RABGEF1: variants seen among roughly 807,000 people sequenced by gnomAD.
The protein encoded by RABGEF1 is rab5 GDP/GTP exchange factor.
A neutral mutation model predicts 57.3 loss-of-function variants in RABGEF1; 26 were observed. The ratio of observed to expected loss-of-function variants is 0.45; its 90% CI spans 0.33 to 0.63. The LOEUF is 0.63. Ranked by LOEUF, RABGEF1 falls within the 20% of genes least tolerant of loss-of-function variation. The pLI is 0.02. For missense variants in RABGEF1, 464 were observed against 607.6 expected, an observed-to-expected ratio of 0.76 and a Z score of 2.48; for synonymous variants, 185 against 210.7, an observed-to-expected ratio of 0.88 and a Z score of 1.06.
intron 1 of RABGEF1, among the ~76,000 whole-genome samples, chr7:66,754,237 C>T (rs1802177122): frequency 6.8e-6 from 1 of 147,512 alleles, no homozygotes; most frequent in South Asian, 2.2e-4. Context: ...CTCCTGACCT[C>T]ATGATCTGCC....
chr7:66,805,036 T>G, intron 7 of RABGEF1, 104 bp from the exon 8 acceptor site: 1 of 1,290,188 alleles, frequency 7.8e-7, no homozygotes, highest in South Asian at 1.4e-5. Context: ...GAAAAGGGGT[T>G]AATAAGGATT....
chr7:66,768,937 G>C (rs1348811444), intron 1 of RABGEF1: 2 of 152,176 alleles, frequency 1.3e-5, no homozygotes, highest in Non-Finnish European at 2.9e-5. Context: ...TCCTGCCTCA[G>C]AGTTTGGCTC....
intron 2 of RABGEF1, among the ~76,000 whole-genome samples, chr7:66,717,163 A>G (rs1279996950): frequency 6.6e-6 from 1 of 152,114 alleles, no homozygotes; most frequent in Non-Finnish European, 1.5e-5. Flanking sequence ...ATTTTAATTT[A>G]TCAATTGATT....
At chr7:66,714,070 G>A (rs572785010) in intron 2 of RABGEF1, among the ~76,000 whole-genome samples, 1 of 152,250 alleles carries the variant, frequency 6.6e-6, no homozygotes, top group African/African-American at 2.4e-5. Flanking sequence ...TAAAGGTAAT[G>A]TTGGCTTTAT....
chr7:66,656,177 C>T, the RABGEF1 span, among the ~76,000 whole-genome samples: 4 of 152,230 alleles, frequency 2.6e-5, no homozygotes, highest in East Asian at 7.7e-4. Context: ...AGTACAGTGA[C>T]ACGATCACGA....
chr7:66,760,442 A>ATTTT (rs1024130038), intron 1 of RABGEF1, among the ~76,000 whole-genome samples: 93 of 126,136 alleles, frequency 7.4e-4, no homozygotes, highest in African/African-American at 2.6e-3. Context: ...GTTAGCATGT[A>ATTTT]TTTTTTTTTT....
intron 1 of RABGEF1, among the ~76,000 whole-genome samples, chr7:66,690,880 T>C (rs534669318): frequency 8.4e-4 from 127 of 151,684 alleles, no homozygotes; most frequent in African/African-American, 3.0e-3. Context: ...GATCAGGGGT[T>C]GGAGACCAGC....
At chr7:66,778,969 G>C (rs980041516) in intron 3 of RABGEF1, among the ~76,000 whole-genome samples, 4 of 151,948 alleles carry the variant, frequency 2.6e-5, no homozygotes, top group African/African-American at 9.7e-5. Context: ...TACCAAATTA[G>C]TCAGGTGTGG....
chr7:66,769,590 G>A (rs776433483), intron 1 of RABGEF1, among the ~76,000 whole-genome samples: 36 of 152,212 alleles, frequency 2.4e-4, no homozygotes, highest in Non-Finnish European at 4.1e-4. Flanking sequence ...TGGCCTGGAC[G>A]TAGATGCATT....
chr7:66,659,630 A>G, the RABGEF1 span, among the ~76,000 whole-genome samples: 1 of 151,630 alleles, frequency 6.6e-6, no homozygotes, highest in Admixed American at 6.6e-5. Flanking sequence ...AAATACAAAA[A>G]TCAGCTGGTT....
At chr7:66,660,035 T>C in the RABGEF1 span, among the ~76,000 whole-genome samples, 1 of 151,206 alleles carries the variant, frequency 6.6e-6, no homozygotes, top group African/African-American at 2.4e-5. Flanking sequence ...GACTCAAATA[T>C]CCAAAATCAG....
chr7:66,701,976 T>A (rs143550884), intron 1 of RABGEF1, among the ~76,000 whole-genome samples: 2,669 of 152,312 alleles, frequency 0.018, 30 homozygotes, highest in Middle Eastern at 0.051. Context: ...ATTAAGTACA[T>A]CCACAATATT....
chr7:66,700,215 A>G (rs1303534153), intron 1 of RABGEF1, among the ~76,000 whole-genome samples: 1 of 152,226 alleles, frequency 6.6e-6, no homozygotes, highest in African/African-American at 2.4e-5. Context: ...CTACCAGGGC[A>G]CCCAGCCAAG....
chr7:66,766,238 A>G (rs933823495), intron 1 of RABGEF1, among the ~76,000 whole-genome samples: 3 of 151,614 alleles, frequency 2.0e-5, no homozygotes, highest in Non-Finnish European at 4.4e-5. Context: ...GAGCTCGGGA[A>G]GTCAAGGCTG....
Position 66,810,666 on chromosome 7 carries a change from C to G in RABGEF1, c.*1382C>G, listed in dbSNP as rs1321740100. ...AATATACCATTGATGATTCTTCTTCCATTCAGTGACATCCACAGATTATGC... is the reference window on the plus strand; with the variant it reads ...AATATACCATTGATGATTCTTCTTCGATTCAGTGACATCCACAGATTATGC... On this transcript the variant is annotated 3_prime_UTR_variant, in exon 9 of 9. Coordinates refer to ENST00000284957, the MANE Select transcript of RABGEF1 (RefSeq NM_014504.3). 6.6e-6 allele frequency: 1 copy of G among 152,160 alleles called. No individual in the cohort carries two copies. Among genetic ancestry groups the G allele is most frequent in the Non-Finnish European group, 1.5e-5 (1 of 68,028 alleles). 9.4% of individuals were successfully genotyped at this position (152,160 alleles called of 1,614,324 possible). A position where few individuals can be genotyped will look rare whatever the true frequency, so the allele number is the denominator to read the frequency against.
chr7:66,664,085 A>G, the RABGEF1 span, among the ~76,000 whole-genome samples: 2 of 152,000 alleles, frequency 1.3e-5, no homozygotes, highest in Non-Finnish European at 2.9e-5. Flanking sequence ...AAGAAAAAAA[A>G]AAAAAAAAAA....
At chr7:66,723,588 GT>G (rs1012706855) in intron 2 of RABGEF1, among the ~76,000 whole-genome samples, 5 of 149,614 alleles carry the variant, frequency 3.3e-5, no homozygotes, top group African/African-American at 7.4e-5. Context: ...TTTTGTTTTT[GT>G]TTTTTTTTGA....
chr7:66,710,955 CA>C (rs1357372846), intron 1 of RABGEF1, among the ~76,000 whole-genome samples: 1 of 150,420 alleles, frequency 6.6e-6, no homozygotes, highest in Non-Finnish European at 1.5e-5. Flanking sequence ...CCAGCCTGGG[CA>C]ACATAGCGAG....
intron 1 of RABGEF1, among the ~76,000 whole-genome samples, chr7:66,691,545 CTT>C (rs750188605): frequency 3.9e-5 from 6 of 152,132 alleles, no homozygotes; most frequent in Non-Finnish European, 7.3e-5. Context: ...AATGGTTTGA[CTT>C]GGGATTTTTT....
Sources: allele counts gnomAD v4.1 joint callset (sites outside exome capture counted in the v4.1 genomes callset), GRCh38; gene constraint gnomAD v4.1.1; transcripts MANE v1.5; gene names NCBI Gene and HGNC (gene_info 2026-07-23, HGNC 2026-07-21).